Variants in AS3MT observed in about 807,000 individuals in gnomAD.
AS3MT encodes S-adenosyl-L-methionine:arsenic(III) methyltransferase.
Under a neutral mutation model 45.3 loss-of-function variants are expected in AS3MT, and 47 were observed. The ratio of observed to expected loss-of-function variants is 1.04; its 90% CI spans 0.82 to 1.32. The LOEUF (loss-of-function observed/expected upper bound fraction) is 1.32. Among genes scored for constraint, AS3MT ranks in the 40% most tolerant of loss-of-function variants. AS3MT has a pLI of 0.00. For missense variants in AS3MT, 396 were observed against 451.1 expected, an observed-to-expected ratio of 0.88 and a Z score of 1.11; for synonymous variants, 141 against 152.8, an observed-to-expected ratio of 0.92 and a Z score of 0.57.
At chr10:102,875,183 G>A (rs150488787) in intron 6 of AS3MT, among the ~76,000 whole-genome samples, 1 of 152,176 alleles carries the variant, frequency 6.6e-6, no homozygotes, top group East Asian at 1.9e-4. Flanking sequence ...CATGATAGTA[G>A]ATGAAATATT....
intron 6 of AS3MT, among the ~76,000 whole-genome samples, chr10:102,876,511 C>A (rs1297494780): frequency 6.6e-6 from 1 of 152,030 alleles, no homozygotes; most frequent in Non-Finnish European, 1.5e-5. Flanking sequence ...CTGCTCTCCT[C>A]CAGCAAGCCT....
At chr10:102,895,161 TCTG>T (rs912362640) in intron 10 of AS3MT, among the ~76,000 whole-genome samples, 7 of 152,140 alleles carry the variant, frequency 4.6e-5, no homozygotes, top group African/African-American at 1.7e-4. Flanking sequence ...ATACTAAAAT[TCTG>T]CTCCTTTAAA....
At chr10:102,873,046 G>T in intron 4 of AS3MT, 51 bp from the exon 5 acceptor site, 1 of 1,460,076 alleles carries the variant, frequency 6.8e-7, no homozygotes, top group Non-Finnish European at 9.2e-7. Flanking sequence ...TTAGGAAAAA[G>T]TTGTGTATTT....
intron 10 of AS3MT, among the ~76,000 whole-genome samples, chr10:102,893,558 C>T (rs1393753323): frequency 4.3e-5 from 6 of 141,136 alleles, no homozygotes; most frequent in Admixed American, 1.5e-4. Context: ...TGCAGTGGTG[C>T]GACCTCGGCT....
chr10:102,885,445 C>G (rs1844933595), intron 9 of AS3MT, among the ~76,000 whole-genome samples: 1 of 147,918 alleles, frequency 6.8e-6, no homozygotes, highest in Non-Finnish European at 1.5e-5. Flanking sequence ...TCTCCTGCCT[C>G]AGCCTCCTGA....
intron 1 of AS3MT, 97 bp from the exon 2 acceptor site, chr10:102,869,708 T>G (rs3740400): frequency 0.37 from 587,290 of 1,575,006 alleles, 109,722 homozygotes; most frequent in East Asian, 0.53. Context: ...TGTCCTCCCC[T>G]CACCCCTCGG....
Position 102,878,509 on chromosome 10 carries a change from C to T in AS3MT, c.741C>T (p.Ile247=), listed in dbSNP as rs199561321. Residue 247 remains isoleucine, a splice_region_variant and synonymous_variant, in exon 8 of 11, where the codon ATC becomes ATT. Coordinates refer to ENST00000369880, the MANE Select transcript of AS3MT (RefSeq NM_020682.4). ...TIQNKELERV[I]GDCRFVSATF... Reference sequence around the variant, plus strand: ...AAAACAAGGAACTGGAAAGAGTTATCGGTAAGATATGACAGACAGCAGGGA... The same window carrying T: ...AAAACAAGGAACTGGAAAGAGTTATTGGTAAGATATGACAGACAGCAGGGA... 647 of 1,613,554 alleles carry T rather than the reference C, an allele frequency of 4.0e-4. No homozygotes were observed. The highest frequency in any genetic ancestry group is 4.7e-4 in the Non-Finnish European group (556 of 1,179,910).
intron 6 of AS3MT, among the ~76,000 whole-genome samples, chr10:102,875,577 G>A (rs2134112954): frequency 6.6e-6 from 1 of 151,758 alleles, no homozygotes; most frequent in East Asian, 1.9e-4. Flanking sequence ...TTGAGCTCTG[G>A]AGTTTGTGTG....
Position 102,877,015 on chromosome 10 carries a change from G to C in AS3MT, c.590G>C (p.Arg197Thr). 6.2e-7 allele frequency: 1 copy of C among 1,614,076 alleles called. No homozygotes were observed. The highest frequency in any genetic ancestry group is 8.5e-7 in the Non-Finnish European group (1 of 1,179,966). The change falls in exon 7 of 11, where the codon AGG becomes ACG. Residue 197 changes from arginine (R) to threonine (T), a missense_variant. Transcript: ENST00000369880. ...YTSLELPEEI[R>T]THKVLWGECL... ...AGCCTTGAACTGCCAGAAGAAATCAGGACACACAAAGTTTTATGGGGTAGG... is the reference window on the plus strand; with the variant it reads ...AGCCTTGAACTGCCAGAAGAAATCACGACACACAAAGTTTTATGGGGTAGG...
rs370301616 is a variant in AS3MT, at chr10:102,901,092, C to CAAAAAAAAAAAAAAAA, written c.*396_*411dup. On this transcript the variant is annotated 3_prime_UTR_variant, in exon 11 of 11. Coordinates refer to ENST00000369880, the MANE Select transcript of AS3MT (RefSeq NM_020682.4). ...ACAGAGCAAGACTCTGTCTCAAAAGCAAAAAAAAAAAAAAAAAAAGAAAGA... is the reference window on the plus strand; with the variant it reads ...ACAGAGCAAGACTCTGTCTCAAAAGCAAAAAAAAAAAAAAAAAAAAAAAAAAAAAAAAAAAGAAAGA... 2.5e-4 allele frequency: 19 copies of CAAAAAAAAAAAAAAAA among 75,684 alleles called. No individual in the cohort carries two copies. Among genetic ancestry groups the CAAAAAAAAAAAAAAAA allele is most frequent in the African/African-American group, 3.2e-4 (6 of 18,806 alleles). 4.7% of individuals were successfully genotyped at this position (75,684 alleles called of 1,614,324 possible). A position where few individuals can be genotyped will look rare whatever the true frequency, so the allele number is the denominator to read the frequency against.
intron 10 of AS3MT, among the ~76,000 whole-genome samples, chr10:102,896,808 CAA>C (rs71019628): frequency 5.8e-5 from 7 of 120,676 alleles, no homozygotes; most frequent in Admixed American, 8.5e-5. Flanking sequence ...GACTCCATCT[CAA>C]AAAAAAAAAA....
At chr10:102,898,184 C>T (rs1845211641) in intron 10 of AS3MT, among the ~76,000 whole-genome samples, 1 of 151,914 alleles carries the variant, frequency 6.6e-6, no homozygotes, top group South Asian at 2.1e-4. Flanking sequence ...ACGCAGCTGG[C>T]ATGCAGGGTA....
intron 6 of AS3MT, among the ~76,000 whole-genome samples, chr10:102,875,498 A>AAT (rs1844770805): frequency 6.6e-6 from 1 of 150,492 alleles, no homozygotes; most frequent in Non-Finnish European, 1.5e-5. Flanking sequence ...AAAAAAAAAA[A>AAT]GATTCTAGCT....
At position 102,878,912 on chromosome 10, in the gene AS3MT, A is replaced by ATG. The variant is rs753400543; in HGVS notation, c.806_807insTG (p.Lys269AsnfsTer19). On this transcript the variant is annotated frameshift_variant, in exon 9 of 11. Transcript: ENST00000369880. LOFTEE classifies it high-confidence loss of function. ...AAACACTCTAAGACAGGACCAACCA[A>ATG]GAGATGCCAAGTTATTTACAATGGA... 6.2e-7 allele frequency: 1 copy of ATG among 1,613,524 alleles called. No individual in the cohort carries two copies. Among genetic ancestry groups the ATG allele is most frequent in the Non-Finnish European group, 8.5e-7 (1 of 1,179,518 alleles).
chr10:102,871,905 C>CA (rs2134109423), intron 3 of AS3MT, among the ~76,000 whole-genome samples: 1 of 151,828 alleles, frequency 6.6e-6, no homozygotes, highest in East Asian at 1.9e-4. Flanking sequence ...ATTTTTGAGA[C>CA]GGAGTCTCAC....
chr10:102,898,582 T>A (rs779991708), intron 10 of AS3MT, among the ~76,000 whole-genome samples: 1 of 151,794 alleles, frequency 6.6e-6, no homozygotes, highest in South Asian at 2.1e-4. Context: ...AAAGGGAGAC[T>A]CCCTCTCAAA....
chr10:102,899,621 T>C lies in AS3MT; in HGVS notation c.1021-972T>C, dbSNP rs1845238594. Among the ~76,000 whole-genome samples the C allele has an allele frequency of 2.0e-5, 3 of 152,266 alleles. 1 individual carries two copies. The South Asian group carries it at 6.2e-4, about 32-fold the overall frequency. On this transcript the variant is annotated intron_variant, in intron 10 of 10. Transcript: ENST00000369880. Reference sequence around the variant, plus strand: ...CAGAATAAGTAGTAGGACTGTAAATTTATGTTATAATGAATTCATTACCAT... The same window carrying C: ...CAGAATAAGTAGTAGGACTGTAAATCTATGTTATAATGAATTCATTACCAT...
At chr10:102,888,879 ATATTT>A (rs1215180716) in intron 9 of AS3MT, among the ~76,000 whole-genome samples, 142 of 45,114 alleles carry the variant, frequency 3.1e-3, no homozygotes, top group South Asian at 0.022. Flanking sequence ...ATATATATAT[ATATTT>A]TTTTTTTTTT....
intron 9 of AS3MT, among the ~76,000 whole-genome samples, chr10:102,883,581 C>T (rs1211376797): frequency 1.3e-5 from 2 of 151,828 alleles, no homozygotes; most frequent in Admixed American, 6.6e-5. Context: ...GGCGTGGTGG[C>T]GTGTGCCTGT....
Sources: gnomAD v4.1 joint callset for allele counts (sites outside exome capture counted in the v4.1 genomes callset) on GRCh38, gnomAD v4.1.1 for gene constraint, MANE v1.5 for transcripts, NCBI Gene and HGNC (gene_info 2026-07-23, HGNC 2026-07-21) for gene names.